Variants in TSHZ3 observed in about 807,000 individuals in gnomAD.
TSHZ3 encodes the protein teashirt zinc finger homeobox 3.
TSHZ3 carries 10 observed loss-of-function variants against 64.5 expected under a neutral mutation model. The observed-to-expected ratio is 0.16, with a 90% CI of 0.10 to 0.26. The LOEUF is 0.26. Among genes scored for constraint, TSHZ3 ranks in the 10% least tolerant of loss-of-function variants. TSHZ3 has a pLI of 1.00. For synonymous variants in TSHZ3, 608 were observed against 593.1 expected (o/e 1.03, Z -0.36); for missense variants, 1,242 against 1,421.7 (o/e 0.87, Z 2.03).
At chr19:31,253,249 C>T (rs1337861612) in intron 1 of TSHZ3, among the ~76,000 whole-genome samples, 1 of 152,044 alleles carries the variant, frequency 6.6e-6, no homozygotes, top group Non-Finnish European at 1.5e-5. Flanking sequence ...TTTCATTGTA[C>T]TAGCAAAATA....
chr19:31,216,776 A>G (rs563111143), intron 4 of TSHZ3, among the ~76,000 whole-genome samples: 95 of 152,178 alleles, frequency 6.2e-4, no homozygotes, highest in Middle Eastern at 6.8e-3. Context: ...CTGGGACCAC[A>G]GGTGCCCGCC....
Position 31,277,233 on chromosome 19 carries a change from A to G in TSHZ3, c.2560T>C (p.Leu854=). ...GATTTTGACGTGTGGCTCTCTGTCA[A>G]GTTCTTCAGCATATCGGATATATCT... The part of the protein sequence containing the change: ...LSDISDMLKN[L]TESHTSKSST... Residue 854 remains leucine (L), a synonymous_variant, in exon 2 of 2, where the codon TTG becomes CTG. Coordinates refer to ENST00000240587, the MANE Select transcript of TSHZ3 (RefSeq NM_020856.4). This position sits in a 1 kb window ranked among gnomAD's most constrained non-coding sequence, Gnocchi z 4.5. 2 of 1,614,138 alleles carry G rather than the reference A, an allele frequency of 1.2e-6. No homozygotes were observed. The highest frequency in any genetic ancestry group is 1.1e-5 in the South Asian group (1 of 91,072).
rs1976238769 is a variant in TSHZ3, at chr19:31,276,660, G to A, written c.3133C>T (p.Leu1045Phe). The change falls in exon 2 of 2, where the codon CTT (leucine) becomes TTT (phenylalanine). Residue 1045 changes from leucine (L) to phenylalanine (F), a missense_variant. This residue lies in a region of TSHZ3 where 126 missense variants were observed against 140.6 expected (regional missense o/e 0.90). Transcript: ENST00000240587. ...TTGCTGGCAAAGGTCCGATTGCAAAGTTTGCACTGATAGGAAGTCCCCAGG... is the reference window on the plus strand; with the variant it reads ...TTGCTGGCAAAGGTCCGATTGCAAAATTTGCACTGATAGGAAGTCCCCAGG... ...EDLGTSYQCK[L>F]CNRTFASKHA... 1 of 1,613,512 alleles carries A rather than the reference G, an allele frequency of 6.2e-7. No individual in the cohort carries two copies.
chr19:31,279,602 G>C lies in TSHZ3; in HGVS notation c.191C>G (p.Ala64Gly). 1.2e-6 allele frequency: 2 copies of C among 1,612,156 alleles called. No individual in the cohort carries two copies. Among genetic ancestry groups the C allele is most frequent in the Non-Finnish European group, 1.7e-6 (2 of 1,178,798 alleles). The change falls in exon 2 of 2, where the codon GCC becomes GGC. Residue 64 changes from alanine to glycine, a missense_variant. Transcript: ENST00000240587. This position sits in a 1 kb window ranked among gnomAD's most constrained non-coding sequence, Gnocchi z 6.4. Reference protein sequence around the residue: ...RACPSYQNSPAAEFSCHEMDS... With the variant: ...RACPSYQNSPGAEFSCHEMDS... ...CATTTCATGGCAGGAAAACTCGGCG[G>C]CCGGGGAGTTCTGGTAGCTGGGGCA...
intron 5 of TSHZ3, among the ~76,000 whole-genome samples, chr19:31,194,150 G>C (rs1399850892): frequency 1.3e-5 from 2 of 152,154 alleles, no homozygotes; most frequent in Admixed American, 1.3e-4. Flanking sequence ...TGTAATTGAT[G>C]ACTTATTGGA....
chr19:31,234,337 T>A (rs1329384893), intron 3 of TSHZ3, among the ~76,000 whole-genome samples: 3 of 152,244 alleles, frequency 2.0e-5, no homozygotes, highest in African/African-American at 7.2e-5. Flanking sequence ...TCTTCTTTTT[T>A]AAATATTTCT....
chr19:31,157,413 G>A (rs1335395779), intron 5 of TSHZ3, among the ~76,000 whole-genome samples: 1 of 152,062 alleles, frequency 6.6e-6, no homozygotes, highest in African/African-American at 2.4e-5. Flanking sequence ...TATTGTCTGT[G>A]GCCACTTTTT....
At chr19:31,222,541 C>T (rs984925439) in intron 4 of TSHZ3, among the ~76,000 whole-genome samples, 2 of 152,178 alleles carry the variant, frequency 1.3e-5, no homozygotes, top group African/African-American at 4.8e-5. Context: ...ATTCCTCCTT[C>T]CTTCAGGACC....
At position 31,348,122 on chromosome 19, in the gene TSHZ3, CAT is replaced by C. The variant is rs200387671; in HGVS notation, c.40+1056_40+1057del. ...TACTCATATCAAAATACATCACGTC[CAT>C]ATGTGGTCCTCTCGGCAATCCGCCC... On this transcript the variant is annotated intron_variant, in intron 1 of 1. Transcript: ENST00000240587. Among the ~76,000 whole-genome samples, 17 of 152,374 alleles carry C rather than the reference CAT, an allele frequency of 1.1e-4. No individual in the cohort carries two copies. In the East Asian group the frequency reaches 3.3e-3, roughly 29 times the overall value.
chr19:31,345,263 C>T lies in TSHZ3; in HGVS notation c.40+3917G>A, dbSNP rs138693024. Among the ~76,000 whole-genome samples the T allele has an allele frequency of 2.0e-4, 31 of 152,310 alleles. 1 individual carries two copies. In the East Asian group the frequency reaches 5.8e-3, roughly 28 times the overall value. On this transcript the variant is annotated intron_variant, in intron 1 of 1. Coordinates refer to ENST00000240587, the MANE Select transcript of TSHZ3 (RefSeq NM_020856.4). The stretch of plus-strand genomic sequence containing the variant: ...CCTTGCTACAGAGTAGAATACCTGT[C>T]CAAGGAGAAATACGTGGCAGGTATG...
chr19:31,300,783 A>G (rs1976742545), intron 1 of TSHZ3, among the ~76,000 whole-genome samples: 1 of 152,160 alleles, frequency 6.6e-6, no homozygotes, highest in South Asian at 2.1e-4. Context: ...CCCCAAATGC[A>G]TTAATAATGA....
chr19:31,335,311 C>A (rs1917212848), intron 1 of TSHZ3, among the ~76,000 whole-genome samples: 1 of 152,192 alleles, frequency 6.6e-6, no homozygotes, highest in South Asian at 2.1e-4. Flanking sequence ...ATGGCAACTA[C>A]AAGAATTTCT....
chr19:31,316,189 C>CT (rs1188729693), intron 1 of TSHZ3, among the ~76,000 whole-genome samples: 1 of 152,174 alleles, frequency 6.6e-6, no homozygotes, highest in Admixed American at 6.5e-5. Flanking sequence ...ACACCAGCAG[C>CT]TTTGTTTTCA....
intron 5 of TSHZ3, among the ~76,000 whole-genome samples, chr19:31,174,484 C>T (rs1451542700): frequency 2.0e-5 from 3 of 152,250 alleles, no homozygotes; most frequent in African/African-American, 7.2e-5. Flanking sequence ...GAAACACTCT[C>T]ACAGAAACAC....
chr19:31,210,936 T>C (rs1975253337), intron 4 of TSHZ3, among the ~76,000 whole-genome samples: 2 of 152,206 alleles, frequency 1.3e-5, no homozygotes, highest in South Asian at 4.1e-4. Flanking sequence ...TTTAGCAATG[T>C]TTAATTGTAA....
At chr19:31,213,515 C>G (rs1046472350) in intron 4 of TSHZ3, among the ~76,000 whole-genome samples, 2 of 152,064 alleles carry the variant, frequency 1.3e-5, no homozygotes, top group South Asian at 4.2e-4. Flanking sequence ...TTTGTGTAAA[C>G]CCATAGAATG....
intron 1 of TSHZ3, among the ~76,000 whole-genome samples, chr19:31,338,153 T>C (rs932521060): frequency 3.4e-4 from 52 of 152,296 alleles, no homozygotes; most frequent in African/African-American, 1.2e-3. Flanking sequence ...CAAGGCCTCT[T>C]GCAGCAGAAG....
At chr19:31,167,519 A>T (rs1203443408) in intron 5 of TSHZ3, 1 of 152,120 alleles carries the variant, frequency 6.6e-6, no homozygotes, top group African/African-American at 2.4e-5. Flanking sequence ...TCTCATTCCG[A>T]GATTGTGTGC....
At chr19:31,177,288 G>C (rs1974624560) in intron 5 of TSHZ3, among the ~76,000 whole-genome samples, 1 of 152,184 alleles carries the variant, frequency 6.6e-6, no homozygotes, top group African/African-American at 2.4e-5. Context: ...GGAGGAGTGA[G>C]ATGTGCTAAG....
Sources: gnomAD v4.1 joint callset for allele counts (sites outside exome capture counted in the v4.1 genomes callset) on GRCh38, gnomAD v4.1.1 for gene constraint, gnomAD v4.1.1 regional missense constraint, Gnocchi (gnomAD v3.1) non-coding constraint, MANE v1.5 for transcripts, NCBI Gene and HGNC (gene_info 2026-07-23, HGNC 2026-07-21) for gene names.